Variants in KDM4A observed in about 807,000 individuals in gnomAD.
The protein encoded by KDM4A is lysine-specific demethylase 4A.
A neutral mutation model predicts 127.1 loss-of-function variants in KDM4A; 23 were observed. The ratio of observed to expected loss-of-function variants is 0.18; its 90% CI spans 0.13 to 0.26. The LOEUF (loss-of-function observed/expected upper bound fraction) is 0.26, where lower values mean the gene tolerates loss of function less well. Among genes scored for constraint, KDM4A ranks in the 10% least tolerant of loss-of-function variants. The probability of loss-of-function intolerance (pLI) is 1.00; values close to 1 mark genes in which losing one functional copy is unlikely to be tolerated. For synonymous variants in KDM4A, 443 were observed against 466.5 expected (o/e 0.95, Z 0.65); for missense variants, 890 against 1,329.1 (o/e 0.67, Z 5.14).
chr1:43,666,952 A>G lies in KDM4A; in HGVS notation c.778-2A>G. 1 of 1,613,720 alleles carries G rather than the reference A, an allele frequency of 6.2e-7. No individual in the cohort carries two copies. The highest frequency in any genetic ancestry group is 8.5e-7 in the Non-Finnish European group (1 of 1,179,704). ...AGCTGCTTCAAGTCTGCTCTTGTTC[A>G]GGTGACTCAAGAGGCTGGAGAGTTT... On this transcript the variant is annotated splice_acceptor_variant, in intron 7 of 21. Coordinates refer to ENST00000372396, the MANE Select transcript of KDM4A (RefSeq NM_014663.3). LOFTEE classifies it high-confidence loss of function.
At position 43,690,970 on chromosome 1, in the gene KDM4A, C is replaced by A; in HGVS notation, c.2163C>A (p.Asn721Lys). The change falls in exon 14 of 22, where the codon AAC (asparagine) becomes AAA (lysine). Residue 721 changes from asparagine to lysine, a missense_variant. By Grantham distance (94) the Asn-to-Lys change is moderately conservative. Transcript: ENST00000372396. ...FTSTGCSTDI[N>K]LSTPYLEEDG... is the part of the protein sequence containing the mutation. ...CGACTGGCTGCAGCACGGACATCAACCTTTCTACTCCTTATCTTGAGGAGG... is the reference window on the plus strand; with the variant it reads ...CGACTGGCTGCAGCACGGACATCAAACTTTCTACTCCTTATCTTGAGGAGG... 6.2e-7 allele frequency: 1 copy of A among 1,614,220 alleles called. No individual in the cohort carries two copies.
At chr1:43,656,220 A>G (rs1303901435) in intron 3 of KDM4A, among the ~76,000 whole-genome samples, 2 of 151,470 alleles carry the variant, frequency 1.3e-5, no homozygotes, top group African/African-American at 4.9e-5. Context: ...TGAGTAAACC[A>G]CCAAGCTGGT....
chr1:43,697,764 GA>G, intron 18 of KDM4A, 78 bp from the exon 19 acceptor site: 7 of 1,287,648 alleles, frequency 5.4e-6, no homozygotes, highest in Non-Finnish European at 6.5e-6. Flanking sequence ...TGATAAGGAG[GA>G]ACTAATTGAT....
At chr1:43,683,873 C>T in intron 12 of KDM4A, 69 bp downstream of exon 12, 1 of 1,573,018 alleles carries the variant, frequency 6.4e-7, no homozygotes, top group Non-Finnish European at 8.7e-7. Context: ...GACAGGACAT[C>T]AGAAGGCCAA....
intron 15 of KDM4A, among the ~76,000 whole-genome samples, chr1:43,691,928 G>C (rs1331666972): frequency 6.6e-6 from 1 of 152,222 alleles, no homozygotes; most frequent in Non-Finnish European, 1.5e-5. Flanking sequence ...GAACCTGGCT[G>C]TACCTAGCCC....
intron 2 of KDM4A, among the ~76,000 whole-genome samples, chr1:43,653,952 T>A (rs1660175790): frequency 6.6e-6 from 1 of 152,092 alleles, no homozygotes; most frequent in African/African-American, 2.4e-5. Flanking sequence ...CAGGAGGAAA[T>A]TTTTTACACC....
chr1:43,668,140 G>T (rs2154047191), intron 9 of KDM4A, 121 bp downstream of exon 9: 3 of 1,366,494 alleles, frequency 2.2e-6, no homozygotes, highest in East Asian at 4.6e-5. Flanking sequence ...TTTTGTTTTT[G>T]TTTTTGATGG....
intron 12 of KDM4A, among the ~76,000 whole-genome samples, chr1:43,686,162 T>TG (rs1660971867): frequency 7.0e-6 from 1 of 143,880 alleles, no homozygotes; most frequent in South Asian, 2.3e-4. Context: ...TTTTTTTTTT[T>TG]TTTTTTTTTT....
In KDM4A at chr1:43,655,698, T is replaced by C; in HGVS notation, c.246T>C (p.Phe82=). ...TGGTGACGGGGCAGTCTGGCCTCTTTACTCAGTACAACATACAGAAGAAAG... is the reference window on the plus strand; with the variant it reads ...TGGTGACGGGGCAGTCTGGCCTCTTCACTCAGTACAACATACAGAAGAAAG... ...QQLVTGQSGL[F]TQYNIQKKAM... Residue 82 remains phenylalanine, a synonymous_variant, in exon 3 of 22, where the codon TTT becomes TTC. Transcript: ENST00000372396. 6.2e-7 allele frequency: 1 copy of C among 1,614,068 alleles called. No homozygotes were observed.
intron 1 of KDM4A, chr1:43,650,822 A>C (rs1226818368): frequency 2.0e-5 from 3 of 152,308 alleles, no homozygotes; most frequent in Non-Finnish European, 4.4e-5. Flanking sequence ...CACATAGCTA[A>C]TAAACGGCAG....
intron 13 of KDM4A, among the ~76,000 whole-genome samples, chr1:43,689,370 T>A (rs1661056876): frequency 6.6e-6 from 1 of 152,260 alleles, no homozygotes; most frequent in Non-Finnish European, 1.5e-5. Context: ...CAGAGCAATC[T>A]GCATTTCTGT....
chr1:43,704,749 A>C lies in KDM4A; in HGVS notation c.*379A>C. Reference sequence around the variant, plus strand: ...GGCTGAGGTGCTGGTACTTGCCCCAACCCCTACTTTTGTATTTATATGTGT... The same window carrying C: ...GGCTGAGGTGCTGGTACTTGCCCCACCCCCTACTTTTGTATTTATATGTGT... On this transcript the variant is annotated 3_prime_UTR_variant, in exon 22 of 22. Transcript: ENST00000372396. 8.5e-6 allele frequency: 2 copies of C among 236,360 alleles called. No individual in the cohort carries two copies. Among genetic ancestry groups the C allele is most frequent in the Non-Finnish European group, 1.7e-5 (2 of 120,964 alleles). 14.6% of individuals were successfully genotyped at this position (236,360 alleles called of 1,614,324 possible).
At chr1:43,660,120 T>C (rs1057009955) in intron 3 of KDM4A, among the ~76,000 whole-genome samples, 178 bp from the exon 4 acceptor site, 1 of 152,190 alleles carries the variant, frequency 6.6e-6, no homozygotes, top group Admixed American at 6.5e-5. Flanking sequence ...TCAGGCCCAG[T>C]GCTCATGGAA....
chr1:43,688,016 AC>A lies in KDM4A; in HGVS notation c.1856-897del, dbSNP rs1233586466. 6.7e-6 allele frequency among the ~76,000 whole-genome samples: 1 copy of A among 150,260 alleles called. No individual in the cohort carries two copies. The highest frequency in any genetic ancestry group is 1.5e-5 in the Non-Finnish European group (1 of 67,646). On this transcript the variant is annotated intron_variant, in intron 12 of 21. Transcript: ENST00000372396. This position sits in a 1 kb window ranked among gnomAD's most constrained non-coding sequence, Gnocchi z 4.4. ...GTCTTCATTGGTCTCTGTGGTTGTC[AC>A]TGTTTTTTTTTTTTAAGCCCCAATG... is the stretch of plus-strand genomic sequence containing the variant.
intron 11 of KDM4A, among the ~76,000 whole-genome samples, chr1:43,672,656 A>G (rs1660649707): frequency 6.6e-6 from 1 of 151,818 alleles, no homozygotes; most frequent in African/African-American, 2.4e-5. Flanking sequence ...CACCACGCCC[A>G]GCTAATTTTT....
At chr1:43,680,927 T>C (rs781263424) in intron 11 of KDM4A, among the ~76,000 whole-genome samples, 1 of 152,320 alleles carries the variant, frequency 6.6e-6, no homozygotes, top group Non-Finnish European at 1.5e-5. Flanking sequence ...GGGGAACCAT[T>C]ATTCTCTCTA....
intron 3 of KDM4A, among the ~76,000 whole-genome samples, chr1:43,658,584 A>G (rs1454032645): frequency 6.7e-6 from 1 of 149,254 alleles, no homozygotes; most frequent in African/African-American, 2.5e-5. Context: ...GCTCACTGCA[A>G]TCTCCGCCTC....
intron 10 of KDM4A, among the ~76,000 whole-genome samples, chr1:43,669,649 ATTT>A (rs35764940): frequency 7.1e-6 from 1 of 141,170 alleles, no homozygotes. Flanking sequence ...GGAGATGGGA[ATTT>A]TTTTTTTTTT....
At position 43,704,124 on chromosome 1, in the gene KDM4A, C is replaced by G. The variant is rs1661482178; in HGVS notation, c.3054+12C>G. ...TCAAATCTAGACTGGTGAGTATTTT[C>G]TGTGTCCCCCCAGTTCCTGTCTTGG... On this transcript the variant is annotated intron_variant, in intron 21 of 21. Coordinates refer to ENST00000372396, the MANE Select transcript of KDM4A (RefSeq NM_014663.3). The G allele has an allele frequency of 3.1e-6, 5 of 1,612,986 alleles. No homozygotes were observed. Among genetic ancestry groups the G allele is most frequent in the Non-Finnish European group, 4.2e-6 (5 of 1,179,076 alleles).
Sources: gnomAD v4.1 joint callset for allele counts (sites outside exome capture counted in the v4.1 genomes callset) on GRCh38, gnomAD v4.1.1 for gene constraint, Gnocchi (gnomAD v3.1) non-coding constraint, MANE v1.5 for transcripts, NCBI Gene and HGNC (gene_info 2026-07-23, HGNC 2026-07-21) for gene names.